IL1RAPL2: variants seen among roughly 807,000 people sequenced by gnomAD.
IL1RAPL2 encodes X-linked interleukin-1 receptor accessory protein-like 2.
A neutral mutation model predicts 44.1 loss-of-function variants in IL1RAPL2; 3 were observed. That is an observed-to-expected ratio of 0.07 (90% CI 0.03 to 0.18). IL1RAPL2 has a LOEUF of 0.18. Ranked by LOEUF, IL1RAPL2 falls within the 10% of genes least tolerant of loss-of-function variation. IL1RAPL2 has a pLI of 1.00. For synonymous variants in IL1RAPL2, 181 were observed against 178.8 expected, an observed-to-expected ratio of 1.01 and a Z score of -0.10; for missense variants, 391 against 496.4, an observed-to-expected ratio of 0.79 and a Z score of 2.02.
In IL1RAPL2 at chrX:104,761,662, G is replaced by T. The variant is rs767915933; in HGVS notation, c.82+102667G>T. ...CACCTATGAGCCTGTAAAATCAAAG[G>T]CAAAGTTAATTACTTCGTAGATACA... On this transcript the variant is annotated intron_variant, in intron 2 of 10. Transcript: ENST00000372582. Among the ~76,000 whole-genome samples, 5 of 111,599 alleles carry T rather than the reference G, an allele frequency of 4.5e-5. No individual in the cohort carries two copies. In the East Asian group the frequency reaches 1.4e-3, roughly 32 times the overall value.
chrX:105,064,529 C>T (rs992114876), intron 2 of IL1RAPL2, among the ~76,000 whole-genome samples: 3 of 112,150 alleles, frequency 2.7e-5, no homozygotes, highest in Admixed American at 9.5e-5. Flanking sequence ...TTTGCTTCAA[C>T]TCTTCCAATG....
intron 2 of IL1RAPL2, among the ~76,000 whole-genome samples, chrX:104,705,873 C>T (rs1028524752): frequency 1.8e-5 from 2 of 111,219 alleles, no homozygotes; most frequent in African/African-American, 3.3e-5. Context: ...TCTTTAAAGG[C>T]GGGGACCAAG....
At position 105,445,324 on chromosome X, in the gene IL1RAPL2, A is replaced by AG. The variant is rs747285519; in HGVS notation, c.698-38989_698-38988insG. 1.8e-4 allele frequency among the ~76,000 whole-genome samples: 20 copies of AG among 111,224 alleles called. No homozygotes were observed. In the East Asian group the frequency reaches 5.4e-3, roughly 30 times the overall value. On this transcript the variant is annotated intron_variant, in intron 5 of 10. Coordinates refer to ENST00000372582, the MANE Select transcript of IL1RAPL2 (RefSeq NM_017416.2). The stretch of plus-strand genomic sequence containing the variant: ...TTGTCGACTTTATCTTTACAAAAAA[A>AG]CAAATTTTTGTTTCCTTGATCGTTT...
intron 2 of IL1RAPL2, among the ~76,000 whole-genome samples, chrX:104,692,832 T>A (rs1931114793): frequency 8.9e-6 from 1 of 111,852 alleles, no homozygotes; most frequent in Non-Finnish European, 1.9e-5. Flanking sequence ...TATAGCAGCA[T>A]GATTTATAAT....
chrX:104,661,331 G>A (rs1449263170), intron 2 of IL1RAPL2, among the ~76,000 whole-genome samples: 3 of 111,375 alleles, frequency 2.7e-5, no homozygotes, highest in African/African-American at 3.3e-5. Context: ...ATGCACAGCT[G>A]GTTCTTTTAT....
chrX:105,509,086 G>A (rs9785562), intron 6 of IL1RAPL2, among the ~76,000 whole-genome samples: 24,153 of 111,523 alleles, frequency 0.22, 6,316 homozygotes, highest in African/African-American at 0.75. Context: ...ATAGCATTTA[G>A]AAAGACTGAT....
chrX:104,612,162 C>T (rs1929175912), intron 1 of IL1RAPL2, among the ~76,000 whole-genome samples: 1 of 111,859 alleles, frequency 8.9e-6, no homozygotes, highest in Non-Finnish European at 1.9e-5. Context: ...TTGATAGGTT[C>T]TTGCTGTGCA....
intron 2 of IL1RAPL2, among the ~76,000 whole-genome samples, chrX:104,898,938 G>T (rs751188971): frequency 8.9e-6 from 1 of 112,219 alleles, no homozygotes; most frequent in East Asian, 2.8e-4. Flanking sequence ...TTAATAATAA[G>T]AATATACTTT....
At chrX:105,729,204 C>T (rs949851671) in intron 7 of IL1RAPL2, among the ~76,000 whole-genome samples, 13 of 111,391 alleles carry the variant, frequency 1.2e-4, no homozygotes, top group Non-Finnish European at 2.3e-4. Flanking sequence ...TGCAAGTTTT[C>T]GTGTAGCTAT....
chrX:105,040,680 T>C lies in IL1RAPL2; in HGVS notation c.83-154795T>C, dbSNP rs759930234. ...TAGTTTATTTGCGTAGAGGTGTTTA[T>C]AGTATTCTCTGATGGTAGTTTGTAT... On this transcript the variant is annotated intron_variant, in intron 2 of 10. Coordinates refer to ENST00000372582, the MANE Select transcript of IL1RAPL2 (RefSeq NM_017416.2). 3.8e-3 allele frequency among the ~76,000 whole-genome samples: 416 copies of C among 110,574 alleles called. 4 individuals carry two copies. Among genetic ancestry groups the C allele is most frequent in the African/African-American group, 0.014 (399 of 29,530 alleles).
intron 5 of IL1RAPL2, among the ~76,000 whole-genome samples, chrX:105,347,621 AGGCTACCTG>A (rs921695371): frequency 1.8e-5 from 2 of 109,519 alleles, no homozygotes; most frequent in Admixed American, 9.9e-5. Flanking sequence ...TCACCTATAG[AGGCTACCTG>A]GGCTACCTGG....
chrX:105,121,985 G>T (rs1336731642), intron 2 of IL1RAPL2, among the ~76,000 whole-genome samples: 1 of 111,100 alleles, frequency 9.0e-6, no homozygotes, highest in Non-Finnish European at 1.9e-5. Flanking sequence ...CTGGAGCACA[G>T]ATGTGTCAGG....
At chrX:104,802,369 T>TA (rs1159152106) in intron 2 of IL1RAPL2, among the ~76,000 whole-genome samples, 264 of 93,661 alleles carry the variant, frequency 2.8e-3, no homozygotes, top group Middle Eastern at 0.011. Context: ...ACAAAACAAA[T>TA]AAAAAAAAAA....
chrX:105,653,136 CA>C (rs1185342538), intron 6 of IL1RAPL2, among the ~76,000 whole-genome samples: 1 of 111,726 alleles, frequency 9.0e-6, no homozygotes, highest in African/African-American at 3.2e-5. Flanking sequence ...CTGAACTGAG[CA>C]GCATGATATA....
At chrX:104,720,382 A>G (rs1931654260) in intron 2 of IL1RAPL2, among the ~76,000 whole-genome samples, 1 of 111,950 alleles carries the variant, frequency 8.9e-6, no homozygotes, top group Non-Finnish European at 1.9e-5. Flanking sequence ...TAAAACCTAT[A>G]AAATAAGAAA....
At chrX:104,866,374 T>A (rs768692719) in intron 2 of IL1RAPL2, among the ~76,000 whole-genome samples, 16 of 112,346 alleles carry the variant, frequency 1.4e-4, no homozygotes, top group Non-Finnish European at 3.0e-4. Flanking sequence ...CATGTAAGTA[T>A]ATGCTAGATC....
intron 2 of IL1RAPL2, among the ~76,000 whole-genome samples, chrX:105,088,026 C>CT (rs1331590711): frequency 8.9e-6 from 1 of 112,255 alleles, no homozygotes; most frequent in Non-Finnish European, 1.9e-5. Flanking sequence ...TTGCATGACT[C>CT]TTTCGTTAAG....
chrX:105,045,168 A>T (rs773840154), intron 2 of IL1RAPL2, among the ~76,000 whole-genome samples: 2 of 111,420 alleles, frequency 1.8e-5, no homozygotes, highest in African/African-American at 6.5e-5. Flanking sequence ...CAGAAAAATT[A>T]AAATGTCATA....
At position 104,710,737 on chromosome X, in the gene IL1RAPL2, GA is replaced by G. The variant is rs756332962; in HGVS notation, c.82+51747del. 9.0e-5 allele frequency among the ~76,000 whole-genome samples: 10 copies of G among 111,187 alleles called. No homozygotes were observed. The East Asian group carries it at 2.6e-3, about 28-fold the overall frequency. Reference sequence around the variant, plus strand: ...GGTCTCATAAAATTATAATGGATCTGAAAAACTCCTATCATCTAGAAAAGTC... The same window carrying G: ...GGTCTCATAAAATTATAATGGATCTGAAAACTCCTATCATCTAGAAAAGTC... On this transcript the variant is annotated intron_variant, in intron 2 of 10. Coordinates refer to ENST00000372582, the MANE Select transcript of IL1RAPL2 (RefSeq NM_017416.2).
Sources: gnomAD v4.1 joint callset for allele counts (sites outside exome capture counted in the v4.1 genomes callset) on GRCh38, gnomAD v4.1.1 for gene constraint, MANE v1.5 for transcripts, NCBI Gene and HGNC (gene_info 2026-07-23, HGNC 2026-07-21) for gene names.